Variants in ANKH observed in about 807,000 individuals in gnomAD.
The protein encoded by ANKH is mineralization regulator ANKH.
In ANKH, 15 loss-of-function variants were observed where a neutral mutation model predicts 49.0. That is an observed-to-expected ratio of 0.31 (90% CI 0.20 to 0.47). The LOEUF (loss-of-function observed/expected upper bound fraction) is 0.47, where lower values mean the gene tolerates loss of function less well. Ranked by LOEUF, ANKH falls within the 20% of genes least tolerant of loss-of-function variation. ANKH has a pLI of 1.00. For missense variants in ANKH, 429 were observed against 652.0 expected (o/e 0.66, Z 3.72); for synonymous variants, 273 against 260.0 (o/e 1.05, Z -0.48).
At chr5:14,799,780 G>A (rs1229212784) in intron 1 of ANKH, among the ~76,000 whole-genome samples, 1 of 152,186 alleles carries the variant, frequency 6.6e-6, no homozygotes, top group African/African-American at 2.4e-5. Context: ...GGAGAGGTAC[G>A]AGGAGATTTA....
chr5:14,762,708 C>T (rs1174128477), intron 2 of ANKH, among the ~76,000 whole-genome samples: 1 of 140,160 alleles, frequency 7.1e-6, no homozygotes, highest in Non-Finnish European at 1.5e-5. Flanking sequence ...TCCCATGCCC[C>T]TGAGCTATTT....
chr5:14,824,116 A>G (rs1741273447), intron 1 of ANKH, among the ~76,000 whole-genome samples: 1 of 152,192 alleles, frequency 6.6e-6, no homozygotes, highest in Non-Finnish European at 1.5e-5. Flanking sequence ...CTCCACAGCC[A>G]TAGAGGCTGA....
chr5:14,719,551 A>T (rs1352066395), intron 8 of ANKH, among the ~76,000 whole-genome samples: 1 of 152,084 alleles, frequency 6.6e-6, no homozygotes, highest in African/African-American at 2.4e-5. Flanking sequence ...TGAATACTTG[A>T]AAAGCGATTT....
chr5:14,818,944 A>G (rs1741122576), intron 1 of ANKH, among the ~76,000 whole-genome samples: 1 of 152,224 alleles, frequency 6.6e-6, no homozygotes, highest in Non-Finnish European at 1.5e-5. Context: ...GAAAAAAGCT[A>G]ATTTTCTTAA....
intron 1 of ANKH, among the ~76,000 whole-genome samples, chr5:14,792,591 G>A (rs1294882860): frequency 1.3e-5 from 2 of 152,094 alleles, no homozygotes; most frequent in Non-Finnish European, 2.9e-5. Context: ...CGATTTGGGG[G>A]TTTCTAGCTG....
intron 1 of ANKH, among the ~76,000 whole-genome samples, chr5:14,783,274 G>A (rs1739864220): frequency 7.0e-6 from 1 of 142,212 alleles, no homozygotes; most frequent in Non-Finnish European, 1.5e-5. Context: ...GCACAGAAGA[G>A]GGTCGCCACC....
At chr5:14,718,839 C>CCCCA (rs1491520738) in intron 8 of ANKH, among the ~76,000 whole-genome samples, 2 of 133,908 alleles carry the variant, frequency 1.5e-5, no homozygotes, top group Non-Finnish European at 1.6e-5. Flanking sequence ...ACCCCCCCCC[C>CCCCA]AAAAAAAAAA....
In ANKH at chr5:14,725,138, A is replaced by G. The variant is rs1433244775; in HGVS notation, c.1012-8303T>C. On this transcript the variant is annotated intron_variant, in intron 8 of 11. Coordinates refer to ENST00000284268, the MANE Select transcript of ANKH (RefSeq NM_054027.6). This position sits in a 1 kb window ranked among gnomAD's most constrained non-coding sequence, Gnocchi z 4.0. ...CAACACAAAGTGTGAAGAGGAGGTT[A>G]GGGCTTGGCACTGGCGCCTGACTGC... is the stretch of plus-strand genomic sequence containing the variant. 6.6e-6 allele frequency among the ~76,000 whole-genome samples: 1 copy of G among 152,194 alleles called. No homozygotes were observed. The highest frequency in any genetic ancestry group is 2.4e-5 in the African/African-American group (1 of 41,448).
intron 6 of ANKH, among the ~76,000 whole-genome samples, chr5:14,748,880 C>T (rs1738623275): frequency 6.6e-6 from 1 of 152,270 alleles, no homozygotes; most frequent in Admixed American, 6.5e-5. Flanking sequence ...ACTAGCCCAG[C>T]TTCCAGCTAG....
rs149187811 is a variant in ANKH at position 14,728,427 on chromosome 5, T to A, written c.1012-11592A>T. 1.7e-3 allele frequency among the ~76,000 whole-genome samples: 260 copies of A among 152,350 alleles called. 1 individual carries two copies. The highest frequency in any genetic ancestry group is 4.2e-3 in the African/African-American group (176 of 41,580). On this transcript the variant is annotated intron_variant, in intron 8 of 11. Transcript: ENST00000284268. The stretch of plus-strand genomic sequence containing the variant: ...GGGCACCAAATGAGAAAGTGTTGAA[T>A]TCCATTAATTCACCTTTGGTTCTTT...
chr5:14,749,605 A>T (rs1395235884), intron 5 of ANKH, among the ~76,000 whole-genome samples: 1 of 152,252 alleles, frequency 6.6e-6, no homozygotes, highest in Non-Finnish European at 1.5e-5. Context: ...TAACCAAGGT[A>T]GAACCCACAT....
At position 14,712,251 on chromosome 5, in the gene ANKH, GTCACTCTGCTGCCCCGGCCTGT is replaced by G. The variant is rs1287093677; in HGVS notation, c.1365+601_1365+622del. Among the ~76,000 whole-genome samples, 5 of 152,214 alleles carry G rather than the reference GTCACTCTGCTGCCCCGGCCTGT, an allele frequency of 3.3e-5. No homozygotes were observed. The East Asian group carries it at 7.7e-4, about 23-fold the overall frequency. ...AGCAGGCTCTCTGAGTGGCCTGGCC[GTCACTCTGCTGCCCCGGCCTGT>G]TCACTCTGCTACTCTCTTGACCAAC... On this transcript the variant is annotated intron_variant, in intron 11 of 11. Transcript: ENST00000284268.
chr5:14,822,813 G>A (rs1011146358), intron 1 of ANKH, among the ~76,000 whole-genome samples: 4 of 152,176 alleles, frequency 2.6e-5, no homozygotes, highest in African/African-American at 2.4e-5. Flanking sequence ...TTGGGAGGCC[G>A]AGGCGGGTGG....
chr5:14,767,874 A>G (rs1001291194), intron 2 of ANKH, among the ~76,000 whole-genome samples: 6 of 152,208 alleles, frequency 3.9e-5, no homozygotes, highest in Admixed American at 6.5e-5. Context: ...ACATGTGCAA[A>G]TACTCAGTCC....
chr5:14,854,548 A>T (rs545062711), intron 1 of ANKH, among the ~76,000 whole-genome samples: 1 of 152,228 alleles, frequency 6.6e-6, no homozygotes, highest in African/African-American at 2.4e-5. Context: ...AAACAACTTT[A>T]AAAATTAGCC....
At chr5:14,828,424 G>A (rs1275783494) in intron 1 of ANKH, among the ~76,000 whole-genome samples, 1 of 152,190 alleles carries the variant, frequency 6.6e-6, no homozygotes, top group Non-Finnish European at 1.5e-5. Context: ...CTACTCAGGA[G>A]GCTGAGGCAG....
At chr5:14,751,309 A>G in intron 4 of ANKH, 70 bp from the exon 5 acceptor site, 2 of 1,498,778 alleles carry the variant, frequency 1.3e-6, no homozygotes, top group Non-Finnish European at 1.8e-6. Context: ...GCACAGGGGC[A>G]CGCTCTTGAA....
At chr5:14,718,733 C>T (rs918529365) in intron 8 of ANKH, among the ~76,000 whole-genome samples, 2 of 151,576 alleles carry the variant, frequency 1.3e-5, no homozygotes, top group African/African-American at 4.9e-5. Context: ...TCGCTTGAAC[C>T]CGGGAGACGG....
At chr5:14,715,862 A>T (rs1022780486) in intron 9 of ANKH, among the ~76,000 whole-genome samples, 2 of 152,200 alleles carry the variant, frequency 1.3e-5, no homozygotes, top group Non-Finnish European at 2.9e-5. Context: ...TAACTTTCCA[A>T]CTGGCTTTTG....
Sources: allele counts gnomAD v4.1 joint callset (sites outside exome capture counted in the v4.1 genomes callset), GRCh38; gene constraint gnomAD v4.1.1; non-coding constraint Gnocchi (gnomAD v3.1); transcripts MANE v1.5; gene names NCBI Gene and HGNC (gene_info 2026-07-23, HGNC 2026-07-21).